The following ENTREP2 variants were observed in gnomAD, a reference collection of about 807,000 sequenced individuals.
ENTREP2 encodes endosomal transmembrane epsin interactor 2.
chr15:29,588,544 AAGAGAGAG>A, the ENTREP2 span, among the ~76,000 whole-genome samples: 1 of 19,766 alleles, frequency 5.1e-5, no homozygotes, highest in African/African-American at 1.1e-4. Context: ...AAGAGAAAGA[AAGAGAGAG>A]AGAGAGAGAG....
chr15:29,644,203 G>T, the ENTREP2 span, among the ~76,000 whole-genome samples: 1 of 152,190 alleles, frequency 6.6e-6, no homozygotes, highest in East Asian at 1.9e-4. Context: ...TATGTTCTAT[G>T]ATTTTACTTT....
the ENTREP2 span, among the ~76,000 whole-genome samples, chr15:29,166,202 C>T: frequency 6.6e-6 from 1 of 152,098 alleles, no homozygotes; most frequent in East Asian, 1.9e-4. Context: ...ATGACAAAAC[C>T]ACAGGCAACA....
the ENTREP2 span, among the ~76,000 whole-genome samples, chr15:29,441,497 A>G: frequency 7.2e-5 from 11 of 152,204 alleles, no homozygotes; most frequent in African/African-American, 2.7e-4. Flanking sequence ...CTTCTACAGC[A>G]TTAAGCCCGC....
the ENTREP2 span, chr15:29,614,281 A>ACGC: frequency 0.05 from 7,732 of 153,164 alleles, 235 homozygotes; most frequent in East Asian, 0.15. Context: ...ACAGTCTAGG[A>ACGC]CGCCGCCGCA....
At chr15:29,591,040 T>G in the ENTREP2 span, among the ~76,000 whole-genome samples, 1 of 152,216 alleles carries the variant, frequency 6.6e-6, no homozygotes, top group Non-Finnish European at 1.5e-5. Context: ...TTGCCAATCT[T>G]CTGTCAAACA....
chr15:29,213,828 A>T, the ENTREP2 span, among the ~76,000 whole-genome samples: 1 of 152,158 alleles, frequency 6.6e-6, no homozygotes, highest in African/African-American at 2.4e-5. Context: ...ATCTACAAAG[A>T]ACTCCAACAA....
chr15:29,256,322 G>C, the ENTREP2 span, among the ~76,000 whole-genome samples: 1 of 152,066 alleles, frequency 6.6e-6, no homozygotes. Context: ...TGTACCTCCT[G>C]AATCTAAAAT....
the ENTREP2 span, among the ~76,000 whole-genome samples, chr15:29,533,845 A>G: frequency 6.6e-6 from 1 of 152,030 alleles, no homozygotes; most frequent in Non-Finnish European, 1.5e-5. Context: ...GGGAAATACC[A>G]CTCATGCCTG....
the ENTREP2 span, among the ~76,000 whole-genome samples, chr15:29,594,548 T>C: frequency 6.6e-6 from 1 of 152,162 alleles, no homozygotes; most frequent in African/African-American, 2.4e-5. Context: ...CATGATTAAA[T>C]CCTCAGCAAT....
the ENTREP2 span, among the ~76,000 whole-genome samples, chr15:29,668,611 A>G: frequency 3.9e-5 from 6 of 152,220 alleles, no homozygotes; most frequent in Non-Finnish European, 7.3e-5. Context: ...ATACTACAAC[A>G]TGGATTAACT....
chr15:29,163,287 C>G, the ENTREP2 span, among the ~76,000 whole-genome samples: 1 of 152,034 alleles, frequency 6.6e-6, no homozygotes, highest in Non-Finnish European at 1.5e-5. Context: ...CACTAGTTTA[C>G]CAGCAATGGA....
At chr15:29,403,347 G>C in the ENTREP2 span, among the ~76,000 whole-genome samples, 2 of 152,164 alleles carry the variant, frequency 1.3e-5, no homozygotes, top group Non-Finnish European at 2.9e-5. Context: ...TGGGAAGGTA[G>C]ATTGCCCTGC....
the ENTREP2 span, among the ~76,000 whole-genome samples, chr15:29,624,781 G>A: frequency 6.6e-6 from 1 of 151,910 alleles, no homozygotes. Context: ...TAACTCTATT[G>A]CAACATGAGA....
At chr15:29,229,259 T>C in the ENTREP2 span, among the ~76,000 whole-genome samples, 1 of 152,196 alleles carries the variant, frequency 6.6e-6, no homozygotes, top group African/African-American at 2.4e-5. Context: ...TCATTCTCCA[T>C]GGTAAAACTG....
chr15:29,570,702 G>C, the ENTREP2 span: 3 of 1,115,888 alleles, frequency 2.7e-6, no homozygotes, highest in Non-Finnish European at 3.3e-6. Flanking sequence ...CGCGGCGCTC[G>C]GGGGCCGCCG....
chr15:29,246,335 T>A, the ENTREP2 span, among the ~76,000 whole-genome samples: 1 of 142,074 alleles, frequency 7.0e-6, no homozygotes, highest in East Asian at 2.1e-4. Flanking sequence ...GAGGCTGCAG[T>A]GAGCCGTGAT....
At chr15:29,550,766 T>C in the ENTREP2 span, among the ~76,000 whole-genome samples, 52,458 of 152,054 alleles carry the variant, frequency 0.34, 9,207 homozygotes, top group East Asian at 0.41. Flanking sequence ...TCATTTATCT[T>C]CTTTGAAGCC....
the ENTREP2 span, among the ~76,000 whole-genome samples, chr15:29,474,553 T>C: frequency 6.6e-6 from 1 of 151,672 alleles, no homozygotes; most frequent in Non-Finnish European, 1.5e-5. Flanking sequence ...TCATTTCTGT[T>C]GTTGTTTTTT....
the ENTREP2 span, among the ~76,000 whole-genome samples, chr15:29,389,067 A>G: frequency 2.6e-5 from 4 of 152,054 alleles, no homozygotes; most frequent in African/African-American, 4.8e-5. Flanking sequence ...TACATATGTA[A>G]CAAACCTGCA....
Sources: allele counts gnomAD v4.1 joint callset (sites outside exome capture counted in the v4.1 genomes callset), GRCh38; gene constraint gnomAD v4.1.1; transcripts MANE v1.5; gene names NCBI Gene and HGNC (gene_info 2026-07-23, HGNC 2026-07-21).